Variants in MEF2C observed in about 807,000 individuals in gnomAD.
The protein encoded by MEF2C is myocyte-specific enhancer factor 2C.
MEF2C carries 6 observed loss-of-function variants against 50.5 expected under a neutral mutation model. The observed-to-expected ratio is 0.12, with a 90% CI of 0.07 to 0.23. The LOEUF (loss-of-function observed/expected upper bound fraction) is 0.23. Ranked by LOEUF, MEF2C falls within the 10% of genes least tolerant of loss-of-function variation. The pLI is 1.00. For synonymous variants in MEF2C, 183 were observed against 228.0 expected, an observed-to-expected ratio of 0.80 and a Z score of 1.78; for missense variants, 276 against 605.0, an observed-to-expected ratio of 0.46 and a Z score of 5.70.
rs1581453276 is a variant in MEF2C, at chr5:88,841,966, C to A, written c.-142-18036G>T. Reference sequence around the variant, plus strand: ...TTGATTCTCCTTATCCAACTTTAAGCCTTATTTCTTAGAACTTTTATTTTT... The same window carrying A: ...TTGATTCTCCTTATCCAACTTTAAGACTTATTTCTTAGAACTTTTATTTTT... On this transcript the variant is annotated intron_variant, in intron 1 of 10. Transcript: ENST00000504921. Among the ~76,000 whole-genome samples, 3 of 152,222 alleles carry A rather than the reference C, an allele frequency of 2.0e-5. No individual in the cohort carries two copies. In the East Asian group the frequency reaches 5.8e-4, roughly 29 times the overall value.
intron 1 of MEF2C, among the ~76,000 whole-genome samples, chr5:88,874,945 T>C (rs1830621695): frequency 6.6e-6 from 1 of 151,952 alleles, no homozygotes; most frequent in Admixed American, 6.6e-5. Context: ...TTTAGAAAGG[T>C]GTGCTGGCAA....
At chr5:88,739,553 A>G (rs1765599511) in intron 6 of MEF2C, 2 of 984,396 alleles carry the variant, frequency 2.0e-6, no homozygotes, top group African/African-American at 3.5e-5. Flanking sequence ...TAAATTGTGT[A>G]TCATAAACTT....
intron 3 of MEF2C, among the ~76,000 whole-genome samples, chr5:88,777,614 C>T (rs1004782691): frequency 6.6e-6 from 1 of 152,198 alleles, no homozygotes; most frequent in African/African-American, 2.4e-5. Flanking sequence ...AACACTTACT[C>T]TCAGCTGAAA....
intron 3 of MEF2C, among the ~76,000 whole-genome samples, chr5:88,766,438 C>T (rs577463862): frequency 2.5e-4 from 38 of 152,066 alleles, no homozygotes; most frequent in Admixed American, 2.2e-3. Flanking sequence ...AAAATTATCT[C>T]GTTAGTAAAA....
chr5:88,766,715 A>C, intron 3 of MEF2C: 1 of 985,372 alleles, frequency 1.0e-6, no homozygotes, highest in Non-Finnish European at 1.2e-6. Flanking sequence ...TTAAAAATCC[A>C]AGTAATCACA....
At chr5:88,824,687 T>A (rs779194953) in intron 1 of MEF2C, among the ~76,000 whole-genome samples, 5 of 151,938 alleles carry the variant, frequency 3.3e-5, no homozygotes, top group Non-Finnish European at 5.9e-5. Flanking sequence ...CCATATTTTT[T>A]ATAACAAGCC....
At chr5:88,775,878 A>G (rs1222826807) in intron 3 of MEF2C, 3 of 891,682 alleles carry the variant, frequency 3.4e-6, no homozygotes, top group Admixed American at 1.2e-4. Flanking sequence ...TTTTTATCTC[A>G]TTTTGTTCCA....
chr5:88,900,462 A>C (rs561576078), intron 1 of MEF2C, among the ~76,000 whole-genome samples: 1 of 151,882 alleles, frequency 6.6e-6, no homozygotes, highest in African/African-American at 2.4e-5. Flanking sequence ...TTATCTTCTA[A>C]ATATATGTAT....
At chr5:88,746,275 T>G (rs1026509212) in intron 6 of MEF2C, among the ~76,000 whole-genome samples, 1 of 152,148 alleles carries the variant, frequency 6.6e-6, no homozygotes, top group Admixed American at 6.5e-5. Flanking sequence ...GATGATGGTA[T>G]GATGAGAAAA....
At chr5:88,840,331 T>C (rs1431011325) in intron 1 of MEF2C, among the ~76,000 whole-genome samples, 1 of 152,202 alleles carries the variant, frequency 6.6e-6, no homozygotes, top group African/African-American at 2.4e-5. Flanking sequence ...CACTTCAATA[T>C]TGTGTATTGC....
intron 3 of MEF2C, among the ~76,000 whole-genome samples, chr5:88,787,417 G>C (rs1426560878): frequency 6.6e-6 from 1 of 151,570 alleles, no homozygotes; most frequent in South Asian, 2.1e-4. Flanking sequence ...TGACAGCCCC[G>C]TAAGGAGCTC....
At chr5:88,805,559 G>A (rs1404151947) in intron 2 of MEF2C, among the ~76,000 whole-genome samples, 2 of 152,088 alleles carry the variant, frequency 1.3e-5, no homozygotes, top group Non-Finnish European at 2.9e-5. Flanking sequence ...ATTTTGGACA[G>A]CCTAGCAGCT....
In MEF2C at chr5:88,864,151, G is replaced by T. The variant is rs7443100; in HGVS notation, c.-143+18804C>A. Among the ~76,000 whole-genome samples, 528 of 95,766 alleles carry T rather than the reference G, an allele frequency of 5.5e-3. 1 individual carries two copies. Among genetic ancestry groups the T allele is most frequent in the African/African-American group, 6.8e-3 (225 of 33,294 alleles). 62.8% of individuals were successfully genotyped at this position (95,766 alleles called of 152,430 possible). A position where few individuals can be genotyped will look rare whatever the true frequency, so the allele number is the denominator to read the frequency against. On this transcript the variant is annotated intron_variant, in intron 1 of 10. Transcript: ENST00000504921. ...AGCCATGTTTTCTGTTTTTTTTTTT[G>T]TTTTTTTTTTTAAGGCTGAATGGTA...
chr5:88,799,913 C>CACACACACACAG (rs1266169497), intron 3 of MEF2C, among the ~76,000 whole-genome samples: 11 of 63,678 alleles, frequency 1.7e-4, no homozygotes, highest in African/African-American at 5.4e-4. Context: ...CACACACACA[C>CACACACACACAG]AGAGAGAGAG....
intron 3 of MEF2C, among the ~76,000 whole-genome samples, chr5:88,801,676 C>T (rs549779603): frequency 2.1e-4 from 32 of 152,054 alleles, no homozygotes; most frequent in African/African-American, 6.3e-4. Flanking sequence ...TTAGTAGAGA[C>T]GGGGTTTCAC....
intron 1 of MEF2C, among the ~76,000 whole-genome samples, chr5:88,869,987 G>A (rs1464089088): frequency 1.3e-5 from 2 of 151,136 alleles, no homozygotes; most frequent in Non-Finnish European, 3.0e-5. Flanking sequence ...GGTACTTACG[G>A]CCATATCCTA....
chr5:88,859,515 T>A (rs1310358898), intron 1 of MEF2C, among the ~76,000 whole-genome samples: 1 of 152,352 alleles, frequency 6.6e-6, no homozygotes, highest in Admixed American at 6.5e-5. Context: ...ATATGAAAGT[T>A]CCTGTATTAA....
At chr5:88,875,007 A>T (rs1477935981) in intron 1 of MEF2C, among the ~76,000 whole-genome samples, 1 of 151,972 alleles carries the variant, frequency 6.6e-6, no homozygotes, top group African/African-American at 2.4e-5. Context: ...GAAAGGAGCC[A>T]TGGCAGCTAG....
chr5:88,755,519 C>A (rs1298194782), intron 4 of MEF2C, among the ~76,000 whole-genome samples: 1 of 152,028 alleles, frequency 6.6e-6, no homozygotes, highest in Non-Finnish European at 1.5e-5. Flanking sequence ...ATCTTTGGAC[C>A]ATGTAAATAA....
Sources: allele counts gnomAD v4.1 joint callset (sites outside exome capture counted in the v4.1 genomes callset), GRCh38; gene constraint gnomAD v4.1.1; transcripts MANE v1.5; gene names NCBI Gene and HGNC (gene_info 2026-07-23, HGNC 2026-07-21).